ZC3H3: variants seen among roughly 807,000 people sequenced by gnomAD.
The protein encoded by ZC3H3 is zinc finger CCCH-type containing 3.
In ZC3H3, 36 loss-of-function variants were observed where a neutral mutation model predicts 77.3. The observed-to-expected ratio is 0.47, with a 90% CI of 0.36 to 0.61. The LOEUF (loss-of-function observed/expected upper bound fraction) is 0.61, where lower values mean the gene tolerates loss of function less well. ZC3H3 is among the 20% of genes least tolerant of loss of function. The probability of loss-of-function intolerance (pLI) is 0.00; values close to 1 mark genes in which losing one functional copy is unlikely to be tolerated. For missense variants in ZC3H3, 1,331 were observed against 1,312.2 expected (o/e 1.01, Z -0.22); for synonymous variants, 626 against 555.2 (o/e 1.13, Z -1.79).
chr8:143,478,603 G>A (rs113908684), intron 4 of ZC3H3, among the ~76,000 whole-genome samples: 90 of 152,342 alleles, frequency 5.9e-4, no homozygotes, highest in Admixed American at 1.2e-3. Context: ...TCCGCCTCCC[G>A]GGTTCAAGAG....
intron 5 of ZC3H3, 149 bp downstream of exon 5, chr8:143,475,249 A>G: frequency 1.1e-6 from 1 of 936,570 alleles, no homozygotes; most frequent in Non-Finnish European, 1.5e-6. Context: ...TGGGAGCATG[A>G]GGCCCCTGAC....
rs949378157 is a variant in ZC3H3 at position 143,494,614 on chromosome 8, A to C, written c.1715+13132T>G. ...GGAGGGCCGGCCGGGACAGGAGGGA[A>C]GCGGCAGGTCGGGGGAGGGGGGTGC... On this transcript the variant is annotated intron_variant, in intron 4 of 11. Transcript: ENST00000262577. The surrounding 1 kb of genome is among the most constrained non-coding windows in gnomAD (Gnocchi z 5.3). 2.0e-5 allele frequency among the ~76,000 whole-genome samples: 3 copies of C among 152,060 alleles called. No individual in the cohort carries two copies. Among genetic ancestry groups the C allele is most frequent in the Non-Finnish European group, 4.4e-5 (3 of 67,990 alleles).
Position 143,539,051 on chromosome 8 carries a change from G to C in ZC3H3, c.316C>G (p.Pro106Ala). 1 of 1,613,000 alleles carries C rather than the reference G, an allele frequency of 6.2e-7. No homozygotes were observed. The highest frequency in any genetic ancestry group is 2.2e-5 in the East Asian group (1 of 44,866). The change falls in exon 2 of 12, where the codon CCG becomes GCG. Residue 106 changes from proline to alanine, a missense_variant. By Grantham distance (27) the Pro-to-Ala change is conservative. This residue lies in a region of ZC3H3 where 978 missense variants were observed against 915.5 expected (regional missense o/e 1.07). Transcript: ENST00000262577. ...HGARGGQPPV[P>A]QQHVLERQVQ... ...TGTCTCTCAAGGACATGCTGCTGCG[G>C]GACAGGAGGCTGGCCCCCCCGGGCC...
At chr8:143,439,141 GC>G (rs2129778860) in intron 11 of ZC3H3, among the ~76,000 whole-genome samples, 1 of 152,102 alleles carries the variant, frequency 6.6e-6, no homozygotes, top group South Asian at 2.1e-4. Flanking sequence ...CTGCCTCGGG[GC>G]CCCATCTGCT....
Position 143,538,872 on chromosome 8 carries a change from C to T in ZC3H3, c.495G>A (p.Glu165=), listed in dbSNP as rs748287310. The T allele has an allele frequency of 2.2e-5, 35 of 1,612,424 alleles. No homozygotes were observed. Among genetic ancestry groups the T allele is most frequent in the Non-Finnish European group, 2.2e-5 (26 of 1,179,754 alleles). The change falls in exon 2 of 12, where the codon GAG becomes GAA. Residue 165 remains glutamate (E), a synonymous_variant. Coordinates refer to ENST00000262577, the MANE Select transcript of ZC3H3 (RefSeq NM_015117.3). ...AGGGCTGCAGCTGTCCCCGAGGGGG[C>T]TCACCTTCACCTTCCCGGGGCCTTT... ...SDQRPREGEG[E]PPRGQLQPSR...
intron 4 of ZC3H3, among the ~76,000 whole-genome samples, chr8:143,477,081 G>A (rs756548707): frequency 2.6e-5 from 4 of 152,100 alleles, no homozygotes; most frequent in East Asian, 3.9e-4. Flanking sequence ...GGGTTCCACC[G>A]CCATCCCCAC....
chr8:143,476,120 C>T (rs2129909210), intron 4 of ZC3H3, among the ~76,000 whole-genome samples: 1 of 152,304 alleles, frequency 6.6e-6, no homozygotes, highest in African/African-American at 2.4e-5. Context: ...TTTCTACCAA[C>T]CGGCCCCAGC....
rs750210993 is a variant in ZC3H3 at position 143,440,344 on chromosome 8, G to A, written c.2512C>T (p.Arg838Cys). ...HGPRKPSASQRPTRQTPSSAA... is the reference protein window; with the variant it reads ...HGPRKPSASQCPTRQTPSSAA... ...GAGCTGGGCGTCTGCCTGGTGGGGC[G>A]CTGGGATGCTGAAGGCTTCCTGCAG... is the stretch of plus-strand genomic sequence containing the variant. Residue 838 changes from arginine to cysteine, a missense_variant, in exon 11 of 12, where the codon CGC (arginine) becomes TGC (cysteine). Coordinates refer to ENST00000262577, the MANE Select transcript of ZC3H3 (RefSeq NM_015117.3). 1.8e-5 allele frequency: 28 copies of A among 1,529,422 alleles called. No individual in the cohort carries two copies. Among genetic ancestry groups the A allele is most frequent in the South Asian group, 5.0e-5 (4 of 79,264 alleles). 94.7% of individuals were successfully genotyped at this position (1,529,422 alleles called of 1,614,324 possible).
At chr8:143,459,953 G>A (rs1230976722) in intron 9 of ZC3H3, among the ~76,000 whole-genome samples, 2 of 152,058 alleles carry the variant, frequency 1.3e-5, no homozygotes, top group Non-Finnish European at 2.9e-5. Flanking sequence ...AGTATTAAAA[G>A]TTCTAGCCAG....
intron 3 of ZC3H3, among the ~76,000 whole-genome samples, chr8:143,509,448 C>T (rs11776480): frequency 0.12 from 17,791 of 152,240 alleles, 1,332 homozygotes; most frequent in Admixed American, 0.2. Context: ...CCAGCCTTGG[C>T]ACCTGGGCAG....
chr8:143,470,240 G>A (rs997457296), intron 5 of ZC3H3, among the ~76,000 whole-genome samples: 8 of 152,342 alleles, frequency 5.3e-5, no homozygotes, highest in East Asian at 1.9e-4. Flanking sequence ...CACTCAGCCC[G>A]TCTCAAGTTT....
chr8:143,511,297 C>T (rs1049551986), intron 3 of ZC3H3, among the ~76,000 whole-genome samples: 1 of 152,224 alleles, frequency 6.6e-6, no homozygotes, highest in African/African-American at 2.4e-5. Flanking sequence ...TCACTCTCCT[C>T]GGACAATTCC....
At position 143,539,155 on chromosome 8, in the gene ZC3H3, C is replaced by T. The variant is rs146380304; in HGVS notation, c.212G>A (p.Arg71His). The T allele has an allele frequency of 3.0e-5, 49 of 1,612,932 alleles. No homozygotes were observed. The African/African-American group carries it at 5.5e-4, about 18-fold the overall frequency. Residue 71 changes from arginine to histidine, a missense_variant, in exon 2 of 12, where the codon CGC becomes CAC. Coordinates refer to ENST00000262577, the MANE Select transcript of ZC3H3 (RefSeq NM_015117.3). Reference protein sequence around the residue: ...GYSSHHGPSWRKKYSLVNRPP... With the variant: ...GYSSHHGPSWHKKYSLVNRPP... ...CCGATTCACGAGGGAGTATTTCTTG[C>T]GCCACGAAGGCCCATGGTGGGAAGA...
chr8:143,503,442 C>T (rs1028374565), intron 4 of ZC3H3, among the ~76,000 whole-genome samples: 5 of 152,142 alleles, frequency 3.3e-5, no homozygotes, highest in African/African-American at 4.8e-5. Context: ...CTGACAACGA[C>T]GAGCACTGGC....
chr8:143,454,498 C>T (rs1037492861), intron 9 of ZC3H3, among the ~76,000 whole-genome samples: 2 of 151,882 alleles, frequency 1.3e-5, no homozygotes, highest in Non-Finnish European at 2.9e-5. Context: ...CTCCGCCTCC[C>T]GGGTTCACGC....
At chr8:143,461,037 T>G (rs929591266) in intron 9 of ZC3H3, among the ~76,000 whole-genome samples, 4 of 152,278 alleles carry the variant, frequency 2.6e-5, no homozygotes, top group Admixed American at 2.0e-4. Context: ...TCCACGGTGT[T>G]GTGAATGTAG....
At position 143,538,389 on chromosome 8, in the gene ZC3H3, C is replaced by T. The variant is rs746057619; in HGVS notation, c.978G>A (p.Arg326=). ...CTGCAGCCACTCTGGGACTGAGGGC[C>T]CTCCGAGCAACCCGGGGACTCTTCG... ...ASSKSPRVAR[R]ALSPRVAAEN... Residue 326 remains arginine, a synonymous_variant, in exon 2 of 12, where the codon AGG becomes AGA. Transcript: ENST00000262577. 1 of 1,613,180 alleles carries T rather than the reference C, an allele frequency of 6.2e-7. No individual in the cohort carries two copies. The highest frequency in any genetic ancestry group is 8.5e-7 in the Non-Finnish European group (1 of 1,180,036).
Position 143,480,241 on chromosome 8 carries a change from TG to T in ZC3H3, c.1716-4657del, listed in dbSNP as rs201331855. ...TTTCCTGAAAGCCCAGGGGCAAACC[TG>T]GTGCATCCCCTGCCGGCATCCACAA... On this transcript the variant is annotated intron_variant, in intron 4 of 11. Coordinates refer to ENST00000262577, the MANE Select transcript of ZC3H3 (RefSeq NM_015117.3). Among the ~76,000 whole-genome samples, 1,168 of 152,288 alleles carry T rather than the reference TG, an allele frequency of 7.7e-3. 12 individuals are homozygous for T. Among genetic ancestry groups the T allele is most frequent in the African/African-American group, 0.027 (1,114 of 41,566 alleles).
intron 4 of ZC3H3, among the ~76,000 whole-genome samples, chr8:143,479,452 G>C (rs142670440): frequency 6.6e-6 from 1 of 152,180 alleles, no homozygotes; most frequent in South Asian, 2.1e-4. Context: ...TTCCTTTTCC[G>C]CAACGGGAGC....
Sources: allele counts gnomAD v4.1 joint callset (sites outside exome capture counted in the v4.1 genomes callset), GRCh38; gene constraint gnomAD v4.1.1; regional missense constraint gnomAD v4.1.1; non-coding constraint Gnocchi (gnomAD v3.1); transcripts MANE v1.5; gene names NCBI Gene and HGNC (gene_info 2026-07-23, HGNC 2026-07-21).